PARD3B: variants seen among roughly 807,000 people sequenced by gnomAD.
PARD3B encodes partitioning defective 3 homolog B.
A neutral mutation model predicts 130.2 loss-of-function variants in PARD3B; 103 were observed. The observed-to-expected ratio is 0.79, with a 90% confidence interval of 0.67 to 0.93. The LOEUF is 0.93. Ranked by LOEUF, PARD3B falls within the 40% of genes least tolerant of loss-of-function variation. The pLI, the probability that PARD3B is intolerant of heterozygous loss-of-function variation, is 0.00. For synonymous variants in PARD3B, 583 were observed against 553.2 expected, an observed-to-expected ratio of 1.05 and a Z score of -0.76; for missense variants, 1,609 against 1,499.2, an observed-to-expected ratio of 1.07 and a Z score of -1.21.
At chr2:205,161,962 T>C (rs1156673931) in intron 11 of PARD3B, among the ~76,000 whole-genome samples, 2 of 152,234 alleles carry the variant, frequency 1.3e-5, no homozygotes, top group African/African-American at 4.8e-5. Flanking sequence ...AAAGATAGGC[T>C]ACTTCTTGCC....
At chr2:205,507,237 C>T (rs1186455271) in intron 21 of PARD3B, among the ~76,000 whole-genome samples, 1 of 22,990 alleles carries the variant, frequency 4.3e-5, no homozygotes, top group Non-Finnish European at 1.1e-4. Flanking sequence ...TTTTTTGAGA[C>T]AGAGTCTTGC....
chr2:205,387,188 A>C (rs1353560815), intron 18 of PARD3B, among the ~76,000 whole-genome samples: 1 of 152,170 alleles, frequency 6.6e-6, no homozygotes, highest in African/African-American at 2.4e-5. Context: ...AATCCCCTTG[A>C]AAATGTTGCC....
chr2:204,770,653 T>C (rs552586878), intron 2 of PARD3B, among the ~76,000 whole-genome samples: 79 of 152,112 alleles, frequency 5.2e-4, no homozygotes, highest in Non-Finnish European at 8.4e-4. Flanking sequence ...CATGATGCGA[T>C]ATTTTGAGAG....
chr2:204,835,850 A>G (rs1335727106), intron 2 of PARD3B, among the ~76,000 whole-genome samples: 2 of 152,224 alleles, frequency 1.3e-5, no homozygotes, highest in Admixed American at 1.3e-4. Flanking sequence ...AGGCTTATGT[A>G]AGTGTTCCAA....
In PARD3B at chr2:205,584,790, G is replaced by A. The variant is rs139881729; in HGVS notation, c.3261-30666G>A. ...AGAGGCTCCATCTATAAATGGTGAT[G>A]GTAGCTTCTGTTGAACCACCCTGCT... On this transcript the variant is annotated intron_variant, in intron 22 of 22. Coordinates refer to ENST00000406610, the MANE Select transcript of PARD3B (RefSeq NM_001302769.2). The surrounding 1 kb of genome is among the most constrained non-coding windows in gnomAD (Gnocchi z 5.5). Among the ~76,000 whole-genome samples, 873 of 152,290 alleles carry A rather than the reference G, an allele frequency of 5.7e-3. 11 individuals carry two copies. Among genetic ancestry groups the A allele is most frequent in the African/African-American group, 0.02 (841 of 41,560 alleles).
intron 2 of PARD3B, among the ~76,000 whole-genome samples, chr2:204,925,502 G>T (rs901315772): frequency 4.0e-5 from 6 of 151,728 alleles, no homozygotes; most frequent in African/African-American, 1.5e-4. Flanking sequence ...AAATATATTG[G>T]AAAAAAACAA....
intron 3 of PARD3B, among the ~76,000 whole-genome samples, chr2:205,028,882 A>G (rs1697225124): frequency 6.6e-6 from 1 of 152,198 alleles, no homozygotes; most frequent in Admixed American, 6.6e-5. Flanking sequence ...TTTATACACT[A>G]ACATTTAACT....
intron 1 of PARD3B, among the ~76,000 whole-genome samples, chr2:204,597,889 A>C (rs575466316): frequency 1.3e-5 from 2 of 152,228 alleles, no homozygotes; most frequent in Non-Finnish European, 2.9e-5. Flanking sequence ...ATATGTAAAT[A>C]TATCCTGCAT....
chr2:204,665,272 T>C (rs2035974434), intron 1 of PARD3B, among the ~76,000 whole-genome samples: 1 of 152,156 alleles, frequency 6.6e-6, no homozygotes, highest in Non-Finnish European at 1.5e-5. Flanking sequence ...TTGACCATAT[T>C]ATAGGTGGGG....
At position 205,433,268 on chromosome 2, in the gene PARD3B, C is replaced by G. The variant is rs527277964; in HGVS notation, c.2742-7102C>G. Among the ~76,000 whole-genome samples the G allele has an allele frequency of 2.6e-5, 4 of 152,248 alleles. No homozygotes were observed. In the East Asian group the frequency reaches 7.7e-4, roughly 29 times the overall value. On this transcript the variant is annotated intron_variant, in intron 19 of 22. Transcript: ENST00000406610. ...GAGATATAGGCTGGGCACGGTGGCT[C>G]ATGCCTATAATCCCAGCACTTTGGG... is the stretch of plus-strand genomic sequence containing the variant.
chr2:205,567,575 G>A (rs1316103678), intron 22 of PARD3B, among the ~76,000 whole-genome samples: 2 of 149,602 alleles, frequency 1.3e-5, no homozygotes, highest in Non-Finnish European at 3.0e-5. Flanking sequence ...ACCCGCCTCG[G>A]CCTCCCAAAG....
At chr2:205,508,500 A>AGGTCAAG (rs2050460413) in intron 21 of PARD3B, among the ~76,000 whole-genome samples, 1 of 151,294 alleles carries the variant, frequency 6.6e-6, no homozygotes, top group South Asian at 2.1e-4. Context: ...TGAGTCCAGG[A>AGGTCAAG]GGTCAAGGCT....
At chr2:205,163,323 C>T (rs1055892778) in intron 11 of PARD3B, among the ~76,000 whole-genome samples, 1 of 152,110 alleles carries the variant, frequency 6.6e-6, no homozygotes, top group Non-Finnish European at 1.5e-5. Flanking sequence ...CAGTTATTCT[C>T]TAGAGAATTA....
At chr2:204,762,389 A>G (rs2040943430) in intron 2 of PARD3B, among the ~76,000 whole-genome samples, 1 of 152,026 alleles carries the variant, frequency 6.6e-6, no homozygotes, top group Non-Finnish European at 1.5e-5. Flanking sequence ...CTTCCAAAGT[A>G]ATAGGATTAC....
At chr2:204,794,049 G>C (rs2042285990) in intron 2 of PARD3B, among the ~76,000 whole-genome samples, 1 of 152,098 alleles carries the variant, frequency 6.6e-6, no homozygotes, top group African/African-American at 2.4e-5. Flanking sequence ...TTTATTTGAT[G>C]CGAGGGGAGA....
intron 18 of PARD3B, among the ~76,000 whole-genome samples, chr2:205,358,392 C>T (rs978910097): frequency 3.3e-5 from 5 of 152,156 alleles, no homozygotes; most frequent in African/African-American, 1.2e-4. Context: ...TAGATGCTCC[C>T]TTTTAGTTTT....
At chr2:205,260,124 T>A (rs533166602) in intron 16 of PARD3B, among the ~76,000 whole-genome samples, 11 of 152,304 alleles carry the variant, frequency 7.2e-5, no homozygotes, top group Admixed American at 3.3e-4. Context: ...AGGTAGTCAT[T>A]TTTTATACTT....
chr2:205,022,235 A>G (rs1297678071), intron 3 of PARD3B, among the ~76,000 whole-genome samples: 2 of 152,208 alleles, frequency 1.3e-5, no homozygotes, highest in African/African-American at 4.8e-5. Flanking sequence ...TATGAATACT[A>G]TGCCAGTATC....
At chr2:205,261,259 G>T (rs935473198) in intron 16 of PARD3B, among the ~76,000 whole-genome samples, 3 of 152,070 alleles carry the variant, frequency 2.0e-5, no homozygotes, top group African/African-American at 7.2e-5. Context: ...ATGAATGAAT[G>T]AATGAATGAA....
Sources: gnomAD v4.1 joint callset for allele counts (sites outside exome capture counted in the v4.1 genomes callset) on GRCh38, gnomAD v4.1.1 for gene constraint, Gnocchi (gnomAD v3.1) non-coding constraint, MANE v1.5 for transcripts, NCBI Gene and HGNC (gene_info 2026-07-23, HGNC 2026-07-21) for gene names.